GLI2: variants seen among roughly 807,000 people sequenced by gnomAD.
GLI2 encodes GLI family zinc finger 2, also known as transcription activator GLI2.
Under a neutral mutation model 78.9 loss-of-function variants are expected in GLI2, and 22 were observed. The ratio of observed to expected loss-of-function variants is 0.28; its 90% CI spans 0.20 to 0.40. GLI2 has a LOEUF of 0.40. Among genes scored for constraint, GLI2 ranks in the 10% least tolerant of loss-of-function variants. The probability of loss-of-function intolerance (pLI) is 1.00; values close to 1 mark genes in which losing one functional copy is unlikely to be tolerated. For synonymous variants in GLI2, 974 were observed against 963.7 expected, an observed-to-expected ratio of 1.01 and a Z score of -0.20; for missense variants, 2,097 against 2,213.2, an observed-to-expected ratio of 0.95 and a Z score of 1.05.
intron 1 of GLI2, among the ~76,000 whole-genome samples, chr2:120,778,022 C>T (rs578103003): frequency 1.8e-4 from 27 of 152,202 alleles, no homozygotes; most frequent in African/African-American, 5.8e-4. Flanking sequence ...GCATCAAACA[C>T]GGGGTTGGCA....
chr2:120,748,026 C>T (rs576217351), intron 1 of GLI2, among the ~76,000 whole-genome samples: 1 of 152,306 alleles, frequency 6.6e-6, no homozygotes, highest in East Asian at 1.9e-4. Flanking sequence ...AACTTGGTTA[C>T]GGAGCCGGCA....
chr2:120,944,333 C>T (rs191031154), intron 3 of GLI2, among the ~76,000 whole-genome samples: 47 of 152,320 alleles, frequency 3.1e-4, no homozygotes, highest in Non-Finnish European at 5.9e-4. Flanking sequence ...CTACTAAGTG[C>T]CTGGTGCTAC....
intron 2 of GLI2, among the ~76,000 whole-genome samples, chr2:120,884,615 C>T (rs572569570): frequency 7.1e-4 from 108 of 152,302 alleles, no homozygotes; most frequent in African/African-American, 2.5e-3. Flanking sequence ...TGAGGTGTCA[C>T]TTCCCCCACG....
At chr2:120,835,676 G>A (rs1442809097) in intron 2 of GLI2, among the ~76,000 whole-genome samples, 4 of 152,216 alleles carry the variant, frequency 2.6e-5, no homozygotes, top group Admixed American at 2.0e-4. Flanking sequence ...GTGAGCCACC[G>A]CATCGGCCCA....
intron 3 of GLI2, among the ~76,000 whole-genome samples, chr2:120,928,377 G>A (rs1017706073): frequency 2.6e-5 from 4 of 152,138 alleles, no homozygotes; most frequent in Admixed American, 6.5e-5. Flanking sequence ...AGCCTCAACC[G>A]AGGAGTCACC....
intron 2 of GLI2, among the ~76,000 whole-genome samples, chr2:120,873,738 C>T (rs1688584766): frequency 6.6e-6 from 1 of 152,200 alleles, no homozygotes; most frequent in Non-Finnish European, 1.5e-5. Context: ...CTCCAGCAAC[C>T]ACAGGCTCCC....
intron 2 of GLI2, among the ~76,000 whole-genome samples, chr2:120,842,017 A>G (rs1686905663): frequency 6.9e-6 from 1 of 144,188 alleles, no homozygotes; most frequent in Admixed American, 7.4e-5. Flanking sequence ...AGCTACAGTA[A>G]TTTACATGAT....
At chr2:120,932,209 CA>C (rs1336791998) in intron 3 of GLI2, among the ~76,000 whole-genome samples, 2 of 152,208 alleles carry the variant, frequency 1.3e-5, no homozygotes, top group Admixed American at 1.3e-4. Flanking sequence ...TCTAATTACA[CA>C]GATGTTTGCA....
chr2:120,977,375 G>A (rs1458909207), intron 9 of GLI2, among the ~76,000 whole-genome samples: 3 of 152,226 alleles, frequency 2.0e-5, no homozygotes, highest in Non-Finnish European at 2.9e-5. Flanking sequence ...CAATAGAAAA[G>A]AAAGTTATTG....
chr2:120,991,282 C>A lies in GLI2; in HGVS notation c.*607C>A, dbSNP rs1215069048. ...TTTGGTAGAGCTGGCTCTTCTACTC[C>A]GTAAAGCCGAGTCTGGGACTGGCAG... On this transcript the variant is annotated 3_prime_UTR_variant, in exon 14 of 14. Transcript: ENST00000361492. 6.6e-6 allele frequency: 1 copy of A among 152,576 alleles called. No homozygotes were observed. The highest frequency in any genetic ancestry group is 6.5e-5 in the Admixed American group (1 of 15,334). 9.5% of individuals were successfully genotyped at this position (152,576 alleles called of 1,614,324 possible). A position where few individuals can be genotyped will look rare whatever the true frequency, so the allele number is the denominator to read the frequency against.
chr2:120,960,772 G>A lies in GLI2; in HGVS notation c.643+5342G>A, dbSNP rs549511718. Among the ~76,000 whole-genome samples, 8 of 152,330 alleles carry A rather than the reference G, an allele frequency of 5.3e-5. No individual in the cohort carries two copies. In the South Asian group the frequency reaches 8.3e-4, roughly 16 times the overall value. ...GTGGGATTGGAAAGCCAAGCCCTGC[G>A]TTCCTCCCAGGGCACTGAGGCCAGG... On this transcript the variant is annotated intron_variant, in intron 5 of 13. Coordinates refer to ENST00000361492, the MANE Select transcript of GLI2 (RefSeq NM_001374353.1).
intron 2 of GLI2, among the ~76,000 whole-genome samples, chr2:120,892,928 A>C (rs1449279713): frequency 2.6e-5 from 4 of 152,210 alleles, no homozygotes; most frequent in Admixed American, 6.5e-5. Context: ...AAGAGACCCA[A>C]ACCCAATGGG....
chr2:120,876,369 T>A (rs1384913400), intron 2 of GLI2, among the ~76,000 whole-genome samples: 1 of 151,838 alleles, frequency 6.6e-6, no homozygotes, highest in Non-Finnish European at 1.5e-5. Context: ...AACAAATAAA[T>A]AAATGCAAAG....
chr2:120,921,508 A>G (rs1203816176), intron 2 of GLI2, among the ~76,000 whole-genome samples: 2 of 152,150 alleles, frequency 1.3e-5, no homozygotes, highest in Non-Finnish European at 1.5e-5. Context: ...GAAGTGGGCA[A>G]CCATTTACAG....
At chr2:120,902,078 T>C (rs1339547110) in intron 2 of GLI2, among the ~76,000 whole-genome samples, 1 of 151,888 alleles carries the variant, frequency 6.6e-6, no homozygotes, top group East Asian at 1.9e-4. Context: ...TCTACGCATC[T>C]CTCCCAAACT....
At chr2:120,812,863 T>A (rs1041949341) in intron 2 of GLI2, among the ~76,000 whole-genome samples, 1 of 152,202 alleles carries the variant, frequency 6.6e-6, no homozygotes. Context: ...CTGTTCTCCC[T>A]CTTCCACATG....
intron 2 of GLI2, among the ~76,000 whole-genome samples, chr2:120,848,461 C>G (rs1480111025): frequency 1.3e-5 from 2 of 152,198 alleles, no homozygotes; most frequent in Non-Finnish European, 2.9e-5. Flanking sequence ...TCCCTGTCGC[C>G]TCAGCCTTTC....
intron 2 of GLI2, among the ~76,000 whole-genome samples, chr2:120,898,680 G>T (rs57839419): frequency 0.016 from 2,454 of 152,274 alleles, 80 homozygotes; most frequent in African/African-American, 0.056. Flanking sequence ...TTGGTTTCTA[G>T]TCTCCTCTGG....
chr2:120,823,302 C>G (rs1685875495), intron 2 of GLI2, among the ~76,000 whole-genome samples: 1 of 152,168 alleles, frequency 6.6e-6, no homozygotes, highest in African/African-American at 2.4e-5. Flanking sequence ...AATCCCAAAT[C>G]TATAAATTTA....
Sources: gnomAD v4.1 joint callset for allele counts (sites outside exome capture counted in the v4.1 genomes callset) on GRCh38, gnomAD v4.1.1 for gene constraint, MANE v1.5 for transcripts, NCBI Gene and HGNC (gene_info 2026-07-23, HGNC 2026-07-21) for gene names.